SOX5: variants seen among roughly 807,000 people sequenced by gnomAD.
SOX5 encodes the protein SRY-box transcription factor 5.
Under a neutral mutation model 92.0 loss-of-function variants are expected in SOX5, and 9 were observed. The ratio of observed to expected loss-of-function variants is 0.10; its 90% CI spans 0.06 to 0.17. The LOEUF (loss-of-function observed/expected upper bound fraction) is 0.17. SOX5 is among the 10% of genes least tolerant of loss of function. The pLI is 1.00. For missense variants in SOX5, 642 were observed against 944.5 expected (o/e 0.68, Z 4.20); for synonymous variants, 344 against 336.3 (o/e 1.02, Z -0.25).
chr12:23,567,464 ATTTTTT>A (rs35620007), intron 10 of SOX5, among the ~76,000 whole-genome samples: 93 of 119,140 alleles, frequency 7.8e-4, no homozygotes, highest in Non-Finnish European at 1.3e-3. Context: ...ATTTGATTTG[ATTTTTT>A]TTTTTTTTTT....
At chr12:23,981,943 A>G (rs1949610835) in intron 4 of SOX5, among the ~76,000 whole-genome samples, 1 of 152,130 alleles carries the variant, frequency 6.6e-6, no homozygotes, top group Admixed American at 6.6e-5. Flanking sequence ...TATTTATGGC[A>G]ATACTCTATT....
chr12:24,005,215 T>A (rs776392726), intron 4 of SOX5, among the ~76,000 whole-genome samples: 11 of 151,970 alleles, frequency 7.2e-5, no homozygotes, highest in Non-Finnish European at 1.5e-4. Context: ...ATTGTATACA[T>A]AAAATTGGTG....
intron 1 of SOX5, among the ~76,000 whole-genome samples, chr12:24,560,165 C>T (rs1188786495): frequency 6.6e-6 from 1 of 152,044 alleles, no homozygotes; most frequent in Non-Finnish European, 1.5e-5. Flanking sequence ...GAAGAGAGAT[C>T]ACTGGAAAGA....
At chr12:24,088,811 C>A (rs1311834147) in intron 4 of SOX5, among the ~76,000 whole-genome samples, 2 of 151,944 alleles carry the variant, frequency 1.3e-5, no homozygotes, top group East Asian at 3.9e-4. Context: ...TGGATTATGG[C>A]AGTAAATTTT....
At chr12:23,615,173 G>A (rs1419682666) in intron 8 of SOX5, among the ~76,000 whole-genome samples, 3 of 151,936 alleles carry the variant, frequency 2.0e-5, no homozygotes, top group African/African-American at 7.3e-5. Flanking sequence ...GTGGTATCTC[G>A]TAGTTTTAAT....
At chr12:24,481,093 T>C (rs1945939409) in intron 1 of SOX5, among the ~76,000 whole-genome samples, 1 of 152,184 alleles carries the variant, frequency 6.6e-6, no homozygotes, top group African/African-American at 2.4e-5. Flanking sequence ...AATGAGATCC[T>C]ATCATTTGCA....
chr12:23,775,894 A>C (rs776120100), intron 3 of SOX5, among the ~76,000 whole-genome samples: 9 of 152,186 alleles, frequency 5.9e-5, no homozygotes, highest in African/African-American at 1.7e-4. Context: ...CACGGTCTCC[A>C]ACCTTTTTGG....
chr12:24,263,040 G>T (rs1594924834), intron 3 of SOX5, among the ~76,000 whole-genome samples: 1 of 146,646 alleles, frequency 6.8e-6, no homozygotes, highest in Non-Finnish European at 1.5e-5. Context: ...TGGCCAACAT[G>T]GTGAAACCTT....
At chr12:23,544,013 T>C (rs771442163) in intron 12 of SOX5, among the ~76,000 whole-genome samples, 5 of 152,218 alleles carry the variant, frequency 3.3e-5, no homozygotes, top group Admixed American at 1.3e-4. Flanking sequence ...CCAAAATATA[T>C]GTAAAACTGG....
At chr12:24,494,272 T>C (rs1947391034) in intron 1 of SOX5, among the ~76,000 whole-genome samples, 2 of 152,138 alleles carry the variant, frequency 1.3e-5, no homozygotes, top group Admixed American at 6.5e-5. Context: ...ATAAAGAATA[T>C]AAAGGCAAGA....
rs769425543 is a variant in SOX5, at chr12:24,222,501, G to A, written c.-76-9084C>T. 1.5e-4 allele frequency among the ~76,000 whole-genome samples: 23 copies of A among 152,094 alleles called. 1 individual carries two copies. Among genetic ancestry groups the A allele is most frequent in the Non-Finnish European group, 2.1e-4 (14 of 68,018 alleles). On this transcript the variant is annotated intron_variant, in intron 3 of 4. Transcript: ENST00000446891. The stretch of plus-strand genomic sequence containing the variant: ...AAATAGAAGGATGGAATTACTATTC[G>A]CTGAAATTGTGAAGACTGAATGTGG...
chr12:23,897,968 T>G (rs574089072), intron 1 of SOX5, among the ~76,000 whole-genome samples: 1 of 152,284 alleles, frequency 6.6e-6, no homozygotes, highest in East Asian at 1.9e-4. Flanking sequence ...TGGAGAAGCA[T>G]GTGAGGAGCT....
intron 1 of SOX5, among the ~76,000 whole-genome samples, chr12:24,399,648 C>T (rs1961029432): frequency 6.6e-6 from 1 of 152,088 alleles, no homozygotes. Context: ...GAAGAACGCA[C>T]ATATAAGTCT....
chr12:24,526,450 GA>G (rs1291659380), intron 1 of SOX5, among the ~76,000 whole-genome samples: 1 of 152,166 alleles, frequency 6.6e-6, no homozygotes, highest in Non-Finnish European at 1.5e-5. Flanking sequence ...TACACATAGC[GA>G]AAACGCAAAC....
intron 1 of SOX5, among the ~76,000 whole-genome samples, chr12:24,422,355 A>T (rs1490294023): frequency 6.6e-6 from 1 of 152,206 alleles, no homozygotes; most frequent in Non-Finnish European, 1.5e-5. Flanking sequence ...TTCTATCAAA[A>T]AAATATGAGA....
Position 23,570,966 on chromosome 12 carries a change from T to A in SOX5, c.1342+4695A>T, listed in dbSNP as rs1312289631. 8.3e-3 allele frequency among the ~76,000 whole-genome samples: 762 copies of A among 92,340 alleles called. 86 individuals carry two copies. The highest frequency in any genetic ancestry group is 0.014 in the Non-Finnish European group (615 of 44,766). 60.6% of individuals were successfully genotyped at this position (92,340 alleles called of 152,430 possible). A position where few individuals can be genotyped will look rare whatever the true frequency, so the allele number is the denominator to read the frequency against. ...ATATATATATATATATATATATATA[T>A]ATATATATATATATATATTTTCATA... On this transcript the variant is annotated intron_variant, in intron 10 of 14. Transcript: ENST00000451604.
chr12:23,986,888 G>A (rs1490631373), intron 4 of SOX5, among the ~76,000 whole-genome samples: 1 of 152,064 alleles, frequency 6.6e-6, no homozygotes, highest in Non-Finnish European at 1.5e-5. Flanking sequence ...GAAAGAAAAA[G>A]CTTAAAATTC....
At chr12:24,513,339 T>C (rs1949495255) in intron 1 of SOX5, among the ~76,000 whole-genome samples, 1 of 152,242 alleles carries the variant, frequency 6.6e-6, no homozygotes, top group African/African-American at 2.4e-5. Context: ...GGTGTCTTTC[T>C]TAGGTACTTG....
intron 3 of SOX5, among the ~76,000 whole-genome samples, chr12:23,839,326 AC>A (rs1277024002): frequency 6.6e-6 from 1 of 152,154 alleles, no homozygotes; most frequent in Non-Finnish European, 1.5e-5. Flanking sequence ...AAGGCCATAT[AC>A]CATATTTCCA....
Sources: allele counts gnomAD v4.1 joint callset (sites outside exome capture counted in the v4.1 genomes callset), GRCh38; gene constraint gnomAD v4.1.1; transcripts MANE v1.5; gene names NCBI Gene and HGNC (gene_info 2026-07-23, HGNC 2026-07-21).